ERC2: variants seen among roughly 807,000 people sequenced by gnomAD.
The protein encoded by ERC2 is ERC protein 2.
A neutral mutation model predicts 114.8 loss-of-function variants in ERC2; 42 were observed. The observed-to-expected ratio is 0.37, with a 90% CI of 0.29 to 0.47. The LOEUF (loss-of-function observed/expected upper bound fraction) is 0.47, where lower values mean the gene tolerates loss of function less well. Among genes scored for constraint, ERC2 ranks in the 20% least tolerant of loss-of-function variants. The pLI is 0.99. For synonymous variants in ERC2, 454 were observed against 425.5 expected (o/e 1.07, Z -0.82); for missense variants, 939 against 1,150.7 (o/e 0.82, Z 2.66).
intron 17 of ERC2, among the ~76,000 whole-genome samples, chr3:55,559,276 T>C (rs1401576068): frequency 6.6e-6 from 1 of 152,246 alleles, no homozygotes; most frequent in African/African-American, 2.4e-5. Context: ...TCAGAGGTTC[T>C]GATTTCAGGA....
chr3:56,234,849 C>T (rs556288775), intron 3 of ERC2, among the ~76,000 whole-genome samples: 2 of 152,268 alleles, frequency 1.3e-5, no homozygotes, highest in East Asian at 3.9e-4. Flanking sequence ...AGGACAGTGT[C>T]CCCACTAACC....
chr3:55,691,638 C>T lies in ERC2; in HGVS notation c.2847+7740G>A, dbSNP rs987015132. 1.8e-4 allele frequency among the ~76,000 whole-genome samples: 24 copies of T among 136,324 alleles called. No individual in the cohort carries two copies. In the East Asian group the frequency reaches 3.9e-3, roughly 22 times the overall value. The allele number at this position is 136,324 out of a possible 152,430, so 89.4% of individuals were successfully genotyped here. ...TCTGGGCAAGCTTTAGACATACTAG[C>T]TTGGTTGGAAACTGATATTAAAAGC... On this transcript the variant is annotated intron_variant, in intron 16 of 17. Transcript: ENST00000288221.
chr3:56,002,357 A>G (rs181302520), intron 10 of ERC2, among the ~76,000 whole-genome samples: 244 of 152,300 alleles, frequency 1.6e-3, no homozygotes, highest in African/African-American at 5.6e-3. Context: ...ATCTTTATGA[A>G]GTATTTTCCC....
intron 1 of ERC2, among the ~76,000 whole-genome samples, chr3:56,465,746 T>C (rs62254287): frequency 1.3e-5 from 2 of 152,276 alleles, no homozygotes; most frequent in Non-Finnish European, 2.9e-5. Flanking sequence ...TATTTTATTA[T>C]GTTTCTACTG....
intron 14 of ERC2, among the ~76,000 whole-genome samples, chr3:55,790,887 CT>C (rs2069952916): frequency 6.6e-6 from 1 of 152,234 alleles, no homozygotes; most frequent in Non-Finnish European, 1.5e-5. Flanking sequence ...CAATACAGAG[CT>C]CAGCAAAGAG....
intron 8 of ERC2, among the ~76,000 whole-genome samples, chr3:56,012,753 T>A (rs2073043024): frequency 6.6e-6 from 1 of 152,208 alleles, no homozygotes; most frequent in South Asian, 2.1e-4. Flanking sequence ...TATTTCTCCG[T>A]CAATCACAAA....
chr3:55,720,858 A>T (rs1406162721), intron 15 of ERC2, among the ~76,000 whole-genome samples: 3 of 152,208 alleles, frequency 2.0e-5, no homozygotes, highest in Non-Finnish European at 4.4e-5. Context: ...CCACCTCACA[A>T]CTAAGATCAG....
At chr3:56,029,646 C>T (rs1271178707) in intron 7 of ERC2, among the ~76,000 whole-genome samples, 2 of 152,024 alleles carry the variant, frequency 1.3e-5, no homozygotes, top group African/African-American at 4.8e-5. Flanking sequence ...TATTAGGTTG[C>T]TAATAGCTAC....
intron 14 of ERC2, among the ~76,000 whole-genome samples, chr3:55,808,283 A>G (rs2059568201): frequency 6.6e-6 from 1 of 152,134 alleles, no homozygotes; most frequent in South Asian, 2.1e-4. Flanking sequence ...TCTGGACCAA[A>G]CTCAATGACG....
chr3:55,511,537 T>A (rs2052067974), intron 17 of ERC2, among the ~76,000 whole-genome samples: 1 of 152,188 alleles, frequency 6.6e-6, no homozygotes, highest in Admixed American at 6.5e-5. Context: ...TGTATAAATG[T>A]CTCTTGATAT....
chr3:56,261,937 CCG>C (rs2052962118), intron 3 of ERC2, among the ~76,000 whole-genome samples: 1 of 152,108 alleles, frequency 6.6e-6, no homozygotes, highest in African/African-American at 2.4e-5. Flanking sequence ...TCATTTAGTT[CCG>C]ACTTACAAGT....
intron 13 of ERC2, among the ~76,000 whole-genome samples, chr3:55,934,960 T>G: frequency 6.6e-6 from 1 of 152,142 alleles, no homozygotes; most frequent in Non-Finnish European, 1.5e-5. Context: ...GCCAGACTGT[T>G]CCCATCTCTG....
At chr3:56,447,669 CTT>C (rs2062641976) in intron 1 of ERC2, among the ~76,000 whole-genome samples, 1 of 151,692 alleles carries the variant, frequency 6.6e-6, no homozygotes, top group South Asian at 2.1e-4. Context: ...AATATATTCT[CTT>C]TTCATTTATT....
At chr3:56,383,451 A>T (rs1355207369) in intron 2 of ERC2, among the ~76,000 whole-genome samples, 1 of 152,184 alleles carries the variant, frequency 6.6e-6, no homozygotes, top group Non-Finnish European at 1.5e-5. Flanking sequence ...TATTGTCTGT[A>T]TGCTCCACTA....
intron 15 of ERC2, among the ~76,000 whole-genome samples, chr3:55,732,277 T>G (rs1167568040): frequency 6.6e-6 from 1 of 152,026 alleles, no homozygotes; most frequent in African/African-American, 2.4e-5. Flanking sequence ...GTTCTTAGAG[T>G]CATTATCATT....
In ERC2 at chr3:56,061,527, G is replaced by T. The variant is rs191999909; in HGVS notation, c.1641+19290C>A. Among the ~76,000 whole-genome samples, 14 of 152,100 alleles carry T rather than the reference G, an allele frequency of 9.2e-5. No individual in the cohort carries two copies. The East Asian group carries it at 2.7e-3, about 29-fold the overall frequency. On this transcript the variant is annotated intron_variant, in intron 7 of 17. Coordinates refer to ENST00000288221, the MANE Select transcript of ERC2 (RefSeq NM_015576.3). ...TAGAGACTCTACAAAAGAAAGGAAG[G>T]GACTTTAAAAGATGAATTATTCAAA...
rs575451460 is a variant in ERC2, at chr3:56,218,903, G to A, written c.1075-45383C>T. On this transcript the variant is annotated intron_variant, in intron 3 of 17. Transcript: ENST00000288221. Reference sequence around the variant, plus strand: ...CTATCGCAAGGACAAAAAACCAAACGCCGCGTGTTCTCACTCATAGGTGGG... The same window carrying A: ...CTATCGCAAGGACAAAAAACCAAACACCGCGTGTTCTCACTCATAGGTGGG... 5.3e-5 allele frequency among the ~76,000 whole-genome samples: 8 copies of A among 152,090 alleles called. No individual in the cohort carries two copies. The South Asian group carries it at 6.2e-4, about 12-fold the overall frequency.
intron 6 of ERC2, among the ~76,000 whole-genome samples, chr3:56,089,026 C>T (rs1045898589): frequency 6.6e-6 from 1 of 151,984 alleles, no homozygotes; most frequent in African/African-American, 2.4e-5. Context: ...TGTACTGAGG[C>T]GTTATATTGT....
At chr3:55,988,419 A>G (rs1169395167) in intron 11 of ERC2, among the ~76,000 whole-genome samples, 1 of 152,236 alleles carries the variant, frequency 6.6e-6, no homozygotes, top group Non-Finnish European at 1.5e-5. Flanking sequence ...CATGCACTTT[A>G]AAAAGCAAAA....
Sources: gnomAD v4.1 joint callset for allele counts (sites outside exome capture counted in the v4.1 genomes callset) on GRCh38, gnomAD v4.1.1 for gene constraint, MANE v1.5 for transcripts, NCBI Gene and HGNC (gene_info 2026-07-23, HGNC 2026-07-21) for gene names.